Variants in GRIA1 observed in about 807,000 individuals in gnomAD.
The protein encoded by GRIA1 is glutamate receptor 1.
GRIA1 carries 31 observed loss-of-function variants against 99.2 expected under a neutral mutation model. The observed-to-expected ratio is 0.31, with a 90% confidence interval of 0.23 to 0.42. The LOEUF (loss-of-function observed/expected upper bound fraction) is 0.42, where lower values mean the gene tolerates loss of function less well. Ranked by LOEUF, GRIA1 falls within the 10% of genes least tolerant of loss-of-function variation. The pLI is 1.00. For missense variants in GRIA1, 782 were observed against 1,157.5 expected (o/e 0.68, Z 4.71); for synonymous variants, 438 against 432.4 (o/e 1.01, Z -0.16).
intron 14 of GRIA1, among the ~76,000 whole-genome samples, chr5:153,798,365 AG>A (rs1178868017): frequency 1.3e-5 from 2 of 152,226 alleles, no homozygotes; most frequent in African/African-American, 2.4e-5. Context: ...GTAGCAGAAA[AG>A]CTAATGGGTG....
At chr5:153,802,603 A>G (rs925369294) in intron 15 of GRIA1, 113 bp downstream of exon 15, 64 of 1,056,938 alleles carry the variant, frequency 6.1e-5, no homozygotes, top group Non-Finnish European at 8.8e-5. Context: ...AGGTCAGCAC[A>G]AGACAGGAAG....
chr5:153,676,872 C>A lies in GRIA1; in HGVS notation c.862-122C>A, dbSNP rs149222157. 1.3e-4 allele frequency: 85 copies of A among 638,500 alleles called. No homozygotes were observed. In the East Asian group the frequency reaches 2.6e-3, roughly 19 times the overall value. 39.6% of individuals were successfully genotyped at this position (638,500 alleles called of 1,614,324 possible). On this transcript the variant is annotated intron_variant, in intron 6 of 15. Coordinates refer to ENST00000285900, the MANE Select transcript of GRIA1 (RefSeq NM_000827.4). ...TCACCACTGTCTGCCCCACGTATAC[C>A]ATGCATCTGGCCCACTGCACACCCT...
intron 11 of GRIA1, among the ~76,000 whole-genome samples, chr5:153,711,721 G>T (rs765693242): frequency 2.0e-5 from 3 of 152,152 alleles, no homozygotes; most frequent in Non-Finnish European, 4.4e-5. Context: ...CTGAGAGTGA[G>T]CTTCTTCAGC....
intron 15 of GRIA1, 35 bp downstream of exon 15, chr5:153,802,525 G>T (rs763450693): frequency 9.9e-6 from 16 of 1,610,996 alleles, no homozygotes; most frequent in Middle Eastern, 1.7e-4. Flanking sequence ...TTCCTAACCT[G>T]TTCTGTGATG....
intron 2 of GRIA1, among the ~76,000 whole-genome samples, chr5:153,557,392 G>A (rs1211800067): frequency 6.6e-6 from 1 of 152,160 alleles, no homozygotes; most frequent in Non-Finnish European, 1.5e-5. Context: ...AGCTTCCCAA[G>A]TAGCTGGGAT....
intron 2 of GRIA1, among the ~76,000 whole-genome samples, chr5:153,645,431 T>G (rs1754076117): frequency 6.6e-6 from 1 of 152,172 alleles, no homozygotes; most frequent in Non-Finnish European, 1.5e-5. Flanking sequence ...ATTGCATTCT[T>G]TATTGCAGCA....
At chr5:153,593,965 T>C (rs995598703) in intron 2 of GRIA1, among the ~76,000 whole-genome samples, 1 of 152,246 alleles carries the variant, frequency 6.6e-6, no homozygotes, top group African/African-American at 2.4e-5. Context: ...TATTCCACTC[T>C]TAAACTTCAT....
At chr5:153,741,926 GC>G (rs1581578135) in intron 11 of GRIA1, among the ~76,000 whole-genome samples, 2 of 109,490 alleles carry the variant, frequency 1.8e-5, no homozygotes, top group East Asian at 3.9e-4. Flanking sequence ...TAAAACTAAA[GC>G]TTTTTTTAAA....
At chr5:153,799,141 G>A (rs1765837714) in intron 14 of GRIA1, among the ~76,000 whole-genome samples, 1 of 152,104 alleles carries the variant, frequency 6.6e-6, no homozygotes, top group Non-Finnish European at 1.5e-5. Context: ...ATAGGAGAAT[G>A]GGGTACCCTG....
intron 2 of GRIA1, among the ~76,000 whole-genome samples, chr5:153,598,940 G>A (rs1461586049): frequency 2.6e-5 from 4 of 152,140 alleles, no homozygotes; most frequent in African/African-American, 9.7e-5. Context: ...GGAGTACAGT[G>A]GCACAATCTC....
intron 2 of GRIA1, among the ~76,000 whole-genome samples, chr5:153,502,248 A>T (rs1755073576): frequency 6.6e-6 from 1 of 152,168 alleles, no homozygotes; most frequent in Non-Finnish European, 1.5e-5. Flanking sequence ...GAGGTCAATG[A>T]CCTTGTTTAC....
intron 11 of GRIA1, among the ~76,000 whole-genome samples, chr5:153,742,292 G>A (rs937068112): frequency 2.0e-4 from 31 of 152,242 alleles, no homozygotes; most frequent in African/African-American, 7.2e-4. Context: ...AATGGACAGG[G>A]CGGTGGATGA....
At chr5:153,625,380 C>T (rs1305661718) in intron 2 of GRIA1, among the ~76,000 whole-genome samples, 1 of 152,152 alleles carries the variant, frequency 6.6e-6, no homozygotes, top group Non-Finnish European at 1.5e-5. Context: ...CTTTCTAGCC[C>T]CAGCATTCAA....
intron 8 of GRIA1, among the ~76,000 whole-genome samples, chr5:153,691,491 C>T (rs1015812990): frequency 6.6e-6 from 1 of 152,068 alleles, no homozygotes; most frequent in South Asian, 2.1e-4. Context: ...GTTTATTATC[C>T]CCACTTCTGA....
At chr5:153,742,329 AG>A (rs922668843) in intron 11 of GRIA1, among the ~76,000 whole-genome samples, 4 of 152,226 alleles carry the variant, frequency 2.6e-5, no homozygotes, top group African/African-American at 9.6e-5. Context: ...GAAGTAGCAT[AG>A]GTTACCACTC....
chr5:153,708,608 G>A lies in GRIA1; in HGVS notation c.1823+2541G>A, dbSNP rs182732466. On this transcript the variant is annotated intron_variant, in intron 11 of 15. Coordinates refer to ENST00000285900, the MANE Select transcript of GRIA1 (RefSeq NM_000827.4). ...TAACACAGTACCCAGCCTTCACACA[G>A]GAAGCGCTATAACTGGATGCTTTTT... Among the ~76,000 whole-genome samples the A allele has an allele frequency of 1.4e-4, 22 of 152,268 alleles. No homozygotes were observed. The East Asian group carries it at 4.2e-3, about 29-fold the overall frequency.
chr5:153,605,204 A>T (rs1045776178), intron 2 of GRIA1, among the ~76,000 whole-genome samples: 2 of 151,652 alleles, frequency 1.3e-5, no homozygotes, highest in African/African-American at 4.9e-5. Flanking sequence ...AAAAAAAGAG[A>T]TGAGCTATTA....
At chr5:153,511,555 G>A (rs1231320642) in intron 2 of GRIA1, among the ~76,000 whole-genome samples, 2 of 152,124 alleles carry the variant, frequency 1.3e-5, no homozygotes, top group African/African-American at 2.4e-5. Flanking sequence ...TTCTCATTGT[G>A]TGTACCCAAC....
rs1006967383 is a variant in GRIA1, at chr5:153,797,613, C to T, written c.2385+2878C>T. Among the ~76,000 whole-genome samples, 9 of 152,162 alleles carry T rather than the reference C, an allele frequency of 5.9e-5. No homozygotes were observed. In the East Asian group the frequency reaches 7.7e-4, roughly 13 times the overall value. ...GCTTCTGTTCTGAAAAATACCTCCC[C>T]CTTTTGAAGAGGCCTCAGCCTTAGC... On this transcript the variant is annotated intron_variant, in intron 14 of 15. Coordinates refer to ENST00000285900, the MANE Select transcript of GRIA1 (RefSeq NM_000827.4).
Sources: gnomAD v4.1 joint callset for allele counts (sites outside exome capture counted in the v4.1 genomes callset) on GRCh38, gnomAD v4.1.1 for gene constraint, MANE v1.5 for transcripts, NCBI Gene and HGNC (gene_info 2026-07-23, HGNC 2026-07-21) for gene names.